LMBR1: variants seen among roughly 807,000 people sequenced by gnomAD.
The protein encoded by LMBR1 is limb development membrane protein 1.
A neutral mutation model predicts 73.9 loss-of-function variants in LMBR1; 52 were observed. The observed-to-expected ratio is 0.70, with a 90% confidence interval of 0.56 to 0.89. LMBR1 has a LOEUF of 0.89. Among genes scored for constraint, LMBR1 ranks in the 40% least tolerant of loss-of-function variants. The pLI, the probability that LMBR1 is intolerant of heterozygous loss-of-function variation, is 0.00. For missense variants in LMBR1, 539 were observed against 579.8 expected (o/e 0.93, Z 0.72); for synonymous variants, 215 against 209.4 (o/e 1.03, Z -0.23).
In LMBR1 at chr7:156,791,846, G is replaced by A. The variant is rs1829288177; in HGVS notation, c.423+4543C>T. Among the ~76,000 whole-genome samples the A allele has an allele frequency of 2.6e-5, 4 of 152,086 alleles. No homozygotes were observed. Among genetic ancestry groups the A allele is most frequent in the Admixed American group, 2.0e-4 (3 of 15,264 alleles). ...TTGCTTATGTTACCTTTTATGCTATGACTTCAAATCAAACATAGGCATTAA... is the reference window on the plus strand; with the variant it reads ...TTGCTTATGTTACCTTTTATGCTATAACTTCAAATCAAACATAGGCATTAA... On this transcript the variant is annotated intron_variant, in intron 5 of 16. Transcript: ENST00000353442.
At chr7:156,855,325 C>T (rs1345458395) in intron 1 of LMBR1, among the ~76,000 whole-genome samples, 1 of 152,170 alleles carries the variant, frequency 6.6e-6, no homozygotes. Context: ...AGACCAGAGG[C>T]ATAGGCTCAA....
chr7:156,689,790 G>A (rs905465352), intron 15 of LMBR1, among the ~76,000 whole-genome samples: 8 of 152,126 alleles, frequency 5.3e-5, no homozygotes, highest in African/African-American at 1.9e-4. Context: ...CAGTTTCTCA[G>A]CTATTCATAT....
In LMBR1 at chr7:156,737,479, G is replaced by A. The variant is rs186246591; in HGVS notation, c.758-3222C>T. 8.5e-5 allele frequency among the ~76,000 whole-genome samples: 13 copies of A among 152,054 alleles called. No individual in the cohort carries two copies. In the East Asian group the frequency reaches 1.9e-3, roughly 23 times the overall value. ...CTCCAAATTCATGTCCTTTAGATCTGGGAAATCTTCATTTTGTCATTTCCT... is the reference window on the plus strand; with the variant it reads ...CTCCAAATTCATGTCCTTTAGATCTAGGAAATCTTCATTTTGTCATTTCCT... On this transcript the variant is annotated intron_variant, in intron 9 of 16. Coordinates refer to ENST00000353442, the MANE Select transcript of LMBR1 (RefSeq NM_022458.4).
chr7:156,783,121 A>C (rs1335251541), intron 5 of LMBR1, among the ~76,000 whole-genome samples: 2 of 152,088 alleles, frequency 1.3e-5, no homozygotes, highest in Non-Finnish European at 2.9e-5. Flanking sequence ...AATTGCAAAA[A>C]CTCTAAAAAT....
At chr7:156,804,882 C>T (rs776600407) in intron 4 of LMBR1, among the ~76,000 whole-genome samples, 5 of 151,996 alleles carry the variant, frequency 3.3e-5, no homozygotes, top group African/African-American at 7.2e-5. Context: ...ATTGTGCTTT[C>T]GCTATCCTAC....
intron 1 of LMBR1, among the ~76,000 whole-genome samples, chr7:156,878,579 C>T (rs896665090): frequency 3.9e-5 from 6 of 152,166 alleles, no homozygotes; most frequent in Non-Finnish European, 7.3e-5. Context: ...GGAAACACAT[C>T]CCAAGCTCAT....
At chr7:156,708,982 C>T (rs1811544307) in intron 15 of LMBR1, among the ~76,000 whole-genome samples, 1 of 152,134 alleles carries the variant, frequency 6.6e-6, no homozygotes, top group South Asian at 2.1e-4. Context: ...CTGAGAACCA[C>T]CCCCCAACAA....
In LMBR1 at chr7:156,883,292, G is replaced by A. The variant is rs564506897; in HGVS notation, c.66+9636C>T. 2.4e-3 allele frequency among the ~76,000 whole-genome samples: 350 copies of A among 146,872 alleles called. 3 individuals carry two copies. Among genetic ancestry groups the A allele is most frequent in the African/African-American group, 7.4e-3 (297 of 40,386 alleles). On this transcript the variant is annotated intron_variant, in intron 1 of 16. Transcript: ENST00000353442. ...TGCACACCTGTAATCCCAGCTACTT[G>A]GGAGGCTGAGGCAGGAGAATTGCTT...
At chr7:156,689,808 A>T (rs945021172) in intron 15 of LMBR1, among the ~76,000 whole-genome samples, 8 of 152,216 alleles carry the variant, frequency 5.3e-5, no homozygotes, top group African/African-American at 1.9e-4. Context: ...TATTAATAAA[A>T]CTTTACTTTG....
At chr7:156,739,697 T>A (rs893824952) in intron 9 of LMBR1, among the ~76,000 whole-genome samples, 1 of 152,214 alleles carries the variant, frequency 6.6e-6, no homozygotes, top group African/African-American at 2.4e-5. Context: ...CACTGAGGCA[T>A]TCGTCTGCAA....
intron 1 of LMBR1, among the ~76,000 whole-genome samples, chr7:156,886,839 C>G (rs1292292434): frequency 6.6e-6 from 1 of 152,216 alleles, no homozygotes; most frequent in Non-Finnish European, 1.5e-5. Context: ...AGTCTGTTCT[C>G]TCAGTCTTCA....
At chr7:156,799,571 T>A (rs200194335) in intron 4 of LMBR1, among the ~76,000 whole-genome samples, 1 of 87,918 alleles carries the variant, frequency 1.1e-5, no homozygotes, top group African/African-American at 3.2e-5. Flanking sequence ...TCTCTCTCCT[T>A]CTCCTAGGGC....
chr7:156,703,663 A>G (rs934626871), intron 15 of LMBR1, among the ~76,000 whole-genome samples: 1 of 152,068 alleles, frequency 6.6e-6, no homozygotes, highest in African/African-American at 2.4e-5. Context: ...CCCTCACCCA[A>G]GCATTTTCCC....
intron 1 of LMBR1, among the ~76,000 whole-genome samples, chr7:156,871,808 A>G (rs1484220200): frequency 6.6e-6 from 1 of 152,250 alleles, no homozygotes; most frequent in Non-Finnish European, 1.5e-5. Context: ...AATAAAGGCC[A>G]TATATGAAAA....
At position 156,680,636 on chromosome 7, in the gene LMBR1, T is replaced by A. The variant is rs1445868456; in HGVS notation, c.*3442A>T. 2.0e-5 allele frequency: 3 copies of A among 153,042 alleles called. No homozygotes were observed. The highest frequency in any genetic ancestry group is 4.4e-5 in the Non-Finnish European group (3 of 68,688). The allele number at this position is 153,042 out of a possible 1,614,324, so 9.5% of individuals were successfully genotyped here. On this transcript the variant is annotated 3_prime_UTR_variant, in exon 17 of 17. Transcript: ENST00000353442. ...AATTCAAGTAATTAAATAAAATACA[T>A]GCTATCAATTATTGATGCTACATTG... is the stretch of plus-strand genomic sequence containing the variant.
At position 156,824,097 on chromosome 7, in the gene LMBR1, AACAAC is replaced by A. The variant is rs1586045028; in HGVS notation, c.319+2503_319+2507del. Among the ~76,000 whole-genome samples, 4 of 42,366 alleles carry A rather than the reference AACAAC, an allele frequency of 9.4e-5. No individual in the cohort carries two copies. The East Asian group carries it at 4.7e-3, about 49-fold the overall frequency. 27.8% of individuals were successfully genotyped at this position (42,366 alleles called of 152,430 possible). A position where few individuals can be genotyped will look rare whatever the true frequency, so the allele number is the denominator to read the frequency against. Reference sequence around the variant, plus strand: ...AGAGAGAGACTCCATCTCAAAAAACAACAACAACAACAACAACAACAACAACAACA... The same window carrying A: ...AGAGAGAGACTCCATCTCAAAAAACAAACAACAACAACAACAACAACAACA... On this transcript the variant is annotated intron_variant, in intron 4 of 16. Transcript: ENST00000353442.
In LMBR1 at chr7:156,670,096, C is replaced by T. The variant is rs10238744; in HGVS notation, n.867-809G>A. 0.35 allele frequency among the ~76,000 whole-genome samples: 53,504 copies of T among 152,010 alleles called. 10,039 individuals carry two copies. The highest frequency in any genetic ancestry group is 0.47 in the African/African-American group (19,612 of 41,444). On this transcript the variant is annotated intron_variant and non_coding_transcript_variant, in intron 4 of 4. Coordinates refer to the LMBR1 transcript ENST00000430825. The surrounding 1 kb of genome is among the most constrained non-coding windows in gnomAD (Gnocchi z 4.3). Reference sequence around the variant, plus strand: ...AAAAATTAAATTATAAATTTTATGACTTTCACAGTGCATCTTTACACCAGA... The same window carrying T: ...AAAAATTAAATTATAAATTTTATGATTTTCACAGTGCATCTTTACACCAGA...
At chr7:156,720,277 C>T (rs980447589) in intron 15 of LMBR1, among the ~76,000 whole-genome samples, 1 of 152,184 alleles carries the variant, frequency 6.6e-6, no homozygotes, top group African/African-American at 2.4e-5. Flanking sequence ...CAAATTACCT[C>T]TTAAGGTTCC....
intron 9 of LMBR1, among the ~76,000 whole-genome samples, chr7:156,751,280 C>A (rs1563275690): frequency 1.3e-5 from 2 of 152,018 alleles, no homozygotes; most frequent in Admixed American, 1.3e-4. Flanking sequence ...CAATCGATAT[C>A]CACAAGGCTC....
Sources: gnomAD v4.1 joint callset for allele counts (sites outside exome capture counted in the v4.1 genomes callset) on GRCh38, gnomAD v4.1.1 for gene constraint, Gnocchi (gnomAD v3.1) non-coding constraint, MANE v1.5 for transcripts, NCBI Gene and HGNC (gene_info 2026-07-23, HGNC 2026-07-21) for gene names.